AUTS2: variants seen among roughly 807,000 people sequenced by gnomAD.
AUTS2 encodes activator of transcription and developmental regulator AUTS2, also known as autism susceptibility gene 2 protein.
A neutral mutation model predicts 112.4 loss-of-function variants in AUTS2; 17 were observed. That is an observed-to-expected ratio of 0.15 (90% CI 0.10 to 0.23). AUTS2 has a LOEUF of 0.23. AUTS2 is among the 10% of genes least tolerant of loss of function. AUTS2 has a pLI of 1.00. For synonymous variants in AUTS2, 751 were observed against 702.7 expected, an observed-to-expected ratio of 1.07 and a Z score of -1.09; for missense variants, 1,510 against 1,701.6, an observed-to-expected ratio of 0.89 and a Z score of 1.98.
chr7:69,877,643 T>A (rs538723762), intron 1 of AUTS2, among the ~76,000 whole-genome samples: 1 of 152,268 alleles, frequency 6.6e-6, no homozygotes, highest in Middle Eastern at 3.4e-3. Context: ...CAGTGTCTTT[T>A]GTTGCCGTCT....
At chr7:70,277,735 C>T (rs1352044894) in intron 4 of AUTS2, among the ~76,000 whole-genome samples, 2 of 152,132 alleles carry the variant, frequency 1.3e-5, no homozygotes, top group African/African-American at 4.8e-5. Context: ...ATCTGCAGGA[C>T]AGATTCTAGA....
rs779745233 is a variant in AUTS2, at chr7:70,771,677, T to C, written c.1830+33T>C. ...ACCTCACAGTGAAAACACACAGGCA[T>C]GTGTCTAAGTGGCGTCCCGGGCCAG... On this transcript the variant is annotated intron_variant, in intron 11 of 18. Transcript: ENST00000342771. The C allele has an allele frequency of 1.6e-5, 25 of 1,594,498 alleles. 1 individual carries two copies. The Admixed American group carries it at 1.7e-4, about 11-fold the overall frequency.
intron 5 of AUTS2, among the ~76,000 whole-genome samples, chr7:70,629,822 C>G (rs568178285): frequency 6.6e-6 from 1 of 151,994 alleles, no homozygotes; most frequent in African/African-American, 2.4e-5. Flanking sequence ...CTTTTAGCTC[C>G]TGATCTCATA....
At chr7:70,432,637 C>T (rs755166760) in intron 4 of AUTS2, among the ~76,000 whole-genome samples, 11 of 152,222 alleles carry the variant, frequency 7.2e-5, no homozygotes, top group Non-Finnish European at 1.5e-4. Context: ...TGTCGAGCTT[C>T]TGGCTTTTTA....
chr7:69,883,371 G>C (rs956806152), intron 1 of AUTS2, among the ~76,000 whole-genome samples: 4 of 150,540 alleles, frequency 2.7e-5, no homozygotes, highest in Non-Finnish European at 4.4e-5. Flanking sequence ...AGTACTCATT[G>C]GTGCTGTAAG....
intron 5 of AUTS2, among the ~76,000 whole-genome samples, chr7:70,506,141 A>C (rs1351824463): frequency 6.6e-6 from 1 of 152,120 alleles, no homozygotes; most frequent in Non-Finnish European, 1.5e-5. Context: ...CTCCCCTGGG[A>C]CTGACATTAA....
At chr7:69,616,223 T>C (rs1328990680) in intron 1 of AUTS2, among the ~76,000 whole-genome samples, 2 of 152,226 alleles carry the variant, frequency 1.3e-5, no homozygotes, top group Non-Finnish European at 2.9e-5. Context: ...CAAAGCAGGC[T>C]AAGCCAGGAA....
At chr7:70,660,218 T>A (rs951812972) in intron 5 of AUTS2, among the ~76,000 whole-genome samples, 1 of 151,406 alleles carries the variant, frequency 6.6e-6, no homozygotes, top group African/African-American at 2.4e-5. Flanking sequence ...AAGAAAGAAA[T>A]GCAGGCAACT....
At chr7:70,424,196 A>G (rs890315968) in intron 4 of AUTS2, among the ~76,000 whole-genome samples, 2 of 152,166 alleles carry the variant, frequency 1.3e-5, no homozygotes, top group Non-Finnish European at 2.9e-5. Context: ...AGACTGAATG[A>G]GCACTTCCTG....
chr7:69,914,456 A>G (rs553177981), intron 2 of AUTS2, among the ~76,000 whole-genome samples: 24 of 151,712 alleles, frequency 1.6e-4, no homozygotes, highest in Non-Finnish European at 2.2e-4. Context: ...TATGCAATGT[A>G]AAATAAGATA....
At chr7:69,672,070 T>C (rs1258059814) in intron 1 of AUTS2, among the ~76,000 whole-genome samples, 2 of 151,902 alleles carry the variant, frequency 1.3e-5, no homozygotes, top group African/African-American at 2.4e-5. Context: ...TTTCTTTTTT[T>C]TTTTTGGAAA....
intron 2 of AUTS2, among the ~76,000 whole-genome samples, chr7:69,913,840 A>G (rs1294524455): frequency 1.3e-5 from 2 of 152,066 alleles, no homozygotes; most frequent in African/African-American, 4.8e-5. Context: ...TACTGGCTCC[A>G]GCTCCCGACC....
chr7:70,303,434 GCACATACACACACACACACA>G (rs1005419093), intron 4 of AUTS2, among the ~76,000 whole-genome samples: 1 of 141,948 alleles, frequency 7.0e-6, no homozygotes. Context: ...GCGCGCGCGC[GCACATACACACACACACACA>G]CACACACACA....
At chr7:69,614,368 T>TTTCTTTCTTTCTTTTCTTTC in intron 1 of AUTS2, among the ~76,000 whole-genome samples, 11 of 19,458 alleles carry the variant, frequency 5.7e-4, no homozygotes, top group Non-Finnish European at 6.6e-4. Context: ...TTCTTTCTTT[T>TTTCTTTCTTTCTTTTCTTTC]TTTAAGAGAT....
Position 69,756,463 on chromosome 7 carries a change from A to G in AUTS2, c.310-142823A>G, listed in dbSNP as rs567826637. On this transcript the variant is annotated intron_variant, in intron 1 of 18. Coordinates refer to ENST00000342771, the MANE Select transcript of AUTS2 (RefSeq NM_015570.4). ...CTAAACACAGGCCTCACTCAGAAAG[A>G]AAGGAGAGCTGTGGAAATACTCAGG... Among the ~76,000 whole-genome samples the G allele has an allele frequency of 2.0e-5, 3 of 152,342 alleles. No homozygotes were observed. In the South Asian group the frequency reaches 6.2e-4, roughly 32 times the overall value.
intron 1 of AUTS2, among the ~76,000 whole-genome samples, chr7:69,686,449 T>C (rs769378340): frequency 3.3e-5 from 5 of 152,112 alleles, no homozygotes; most frequent in Non-Finnish European, 7.4e-5. Flanking sequence ...AAGAAAGAGA[T>C]CTGGGACTGG....
intron 4 of AUTS2, among the ~76,000 whole-genome samples, chr7:70,377,337 T>TAA (rs1793144200): frequency 1.7e-5 from 1 of 57,656 alleles, no homozygotes; most frequent in Admixed American, 1.7e-4. Context: ...TATATATATA[T>TAA]ATATATATAT....
chr7:70,220,741 C>T (rs1811433808), intron 4 of AUTS2, among the ~76,000 whole-genome samples: 1 of 152,150 alleles, frequency 6.6e-6, no homozygotes, highest in South Asian at 2.1e-4. Flanking sequence ...GAAGGGGGAA[C>T]TGAGGATGGC....
At chr7:69,694,456 A>C (rs891940310) in intron 1 of AUTS2, among the ~76,000 whole-genome samples, 1 of 152,182 alleles carries the variant, frequency 6.6e-6, no homozygotes, top group African/African-American at 2.4e-5. Context: ...TAGAAAACGT[A>C]ATGACATGGA....
Sources: allele counts gnomAD v4.1 joint callset (sites outside exome capture counted in the v4.1 genomes callset), GRCh38; gene constraint gnomAD v4.1.1; transcripts MANE v1.5; gene names NCBI Gene and HGNC (gene_info 2026-07-23, HGNC 2026-07-21).